LRP1B: variants seen among roughly 807,000 people sequenced by gnomAD.
The protein encoded by LRP1B is low-density lipoprotein receptor-related protein 1B.
Under a neutral mutation model 556.6 loss-of-function variants are expected in LRP1B, and 217 were observed. The ratio of observed to expected loss-of-function variants is 0.39; its 90% CI spans 0.35 to 0.44. The LOEUF (loss-of-function observed/expected upper bound fraction) is 0.44. LRP1B is among the 20% of genes least tolerant of loss of function. The probability of loss-of-function intolerance (pLI) is 1.00; values close to 1 mark genes in which losing one functional copy is unlikely to be tolerated. For missense variants in LRP1B, 5,053 were observed against 5,620.8 expected, an observed-to-expected ratio of 0.90 and a Z score of 3.23; for synonymous variants, 2,047 against 1,865.8, an observed-to-expected ratio of 1.10 and a Z score of -2.50.
intron 7 of LRP1B, among the ~76,000 whole-genome samples, chr2:141,161,046 A>T (rs892626212): frequency 2.6e-5 from 4 of 152,148 alleles, no homozygotes; most frequent in Non-Finnish European, 4.4e-5. Context: ...TTAATTTTGC[A>T]ACTTTTGAGA....
rs528678297 is a variant in LRP1B, at chr2:141,266,563, A to T, written c.344-11922T>A. On this transcript the variant is annotated intron_variant, in intron 3 of 90. Transcript: ENST00000389484. ...TCTGAGAGTGTACCACATCAATGCTAAGAGAATTTCTCATTTTGTGTTATG... is the reference window on the plus strand; with the variant it reads ...TCTGAGAGTGTACCACATCAATGCTTAGAGAATTTCTCATTTTGTGTTATG... 4.2e-4 allele frequency among the ~76,000 whole-genome samples: 64 copies of T among 152,272 alleles called. 2 individuals are homozygous for T. Among genetic ancestry groups the T allele is most frequent in the Middle Eastern group, 3.4e-3 (1 of 294 alleles).
chr2:140,657,588 T>TATATAC (rs1259265054), intron 41 of LRP1B, among the ~76,000 whole-genome samples: 1 of 146,774 alleles, frequency 6.8e-6, no homozygotes, highest in East Asian at 1.9e-4. Context: ...TATATATACA[T>TATATAC]ACATACATAT....
chr2:140,787,001 T>A (rs1223219707), intron 32 of LRP1B, among the ~76,000 whole-genome samples: 1 of 152,190 alleles, frequency 6.6e-6, no homozygotes, highest in African/African-American at 2.4e-5. Context: ...AAAACTGATG[T>A]TACCTACAAT....
intron 35 of LRP1B, among the ~76,000 whole-genome samples, chr2:140,763,180 T>G (rs2104920028): frequency 6.6e-6 from 1 of 152,232 alleles, no homozygotes; most frequent in Non-Finnish European, 1.5e-5. Context: ...TGCTCAAACA[T>G]ATATAATTTA....
At chr2:140,810,736 G>T (rs1049406333) in intron 32 of LRP1B, among the ~76,000 whole-genome samples, 5 of 152,028 alleles carry the variant, frequency 3.3e-5, no homozygotes, top group Non-Finnish European at 7.4e-5. Flanking sequence ...GCATTACGAG[G>T]TTTTTTGTTG....
At chr2:140,657,158 C>T (rs1318067437) in intron 41 of LRP1B, among the ~76,000 whole-genome samples, 1 of 151,816 alleles carries the variant, frequency 6.6e-6, no homozygotes, top group Admixed American at 6.6e-5. Flanking sequence ...ACATACACAT[C>T]CCTTTTGGTA....
At chr2:141,816,939 TC>T (rs1229824444) in intron 1 of LRP1B, among the ~76,000 whole-genome samples, 6 of 152,150 alleles carry the variant, frequency 3.9e-5, no homozygotes, top group Non-Finnish European at 8.8e-5. Context: ...CTAGGAAATC[TC>T]AGTTAAAAAT....
At chr2:141,941,626 T>C (rs1700805435) in intron 1 of LRP1B, among the ~76,000 whole-genome samples, 1 of 152,144 alleles carries the variant, frequency 6.6e-6, no homozygotes, top group Non-Finnish European at 1.5e-5. Context: ...GGAGGTTGAA[T>C]GTGGCCAGAG....
rs144902634 is a variant in LRP1B at position 140,604,955 on chromosome 2, C to T, written c.6800-3316G>A. ...TTCACTCTCCACCATGATCGTGAGG[C>T]CTCCCCAGTCATGTGGAACTGTGAG... On this transcript the variant is annotated intron_variant, in intron 41 of 90. Coordinates refer to ENST00000389484, the MANE Select transcript of LRP1B (RefSeq NM_018557.3). Among the ~76,000 whole-genome samples, 10 of 152,230 alleles carry T rather than the reference C, an allele frequency of 6.6e-5. No individual in the cohort carries two copies. In the East Asian group the frequency reaches 1.5e-3, roughly 24 times the overall value.
chr2:140,967,603 T>A (rs986684629), intron 18 of LRP1B, among the ~76,000 whole-genome samples: 1 of 151,880 alleles, frequency 6.6e-6, no homozygotes, highest in Non-Finnish European at 1.5e-5. Flanking sequence ...AGAGAGGGCA[T>A]CCCTGTCTTG....
At chr2:140,686,666 A>G (rs1282948642) in intron 41 of LRP1B, among the ~76,000 whole-genome samples, 1 of 152,020 alleles carries the variant, frequency 6.6e-6, no homozygotes, top group Non-Finnish European at 1.5e-5. Flanking sequence ...TGTTTCATAA[A>G]TGGACACTGG....
intron 7 of LRP1B, among the ~76,000 whole-genome samples, chr2:141,145,917 TCTTTC>T (rs1701772255): frequency 4.0e-5 from 5 of 123,706 alleles, no homozygotes; most frequent in East Asian, 2.5e-4. Context: ...TTTCTTTCTT[TCTTTC>T]TTTTTTTTTT....
intron 1 of LRP1B, among the ~76,000 whole-genome samples, chr2:142,118,424 C>T (rs1019314824): frequency 2.6e-5 from 4 of 152,170 alleles, no homozygotes; most frequent in Admixed American, 2.0e-4. Context: ...TATCTGAATA[C>T]GCTTTGGTTA....
chr2:142,093,590 G>A (rs1706252634), intron 1 of LRP1B, among the ~76,000 whole-genome samples: 1 of 152,136 alleles, frequency 6.6e-6, no homozygotes, highest in South Asian at 2.1e-4. Context: ...AACCAGAAAG[G>A]CAAGGCAGTG....
At chr2:141,107,286 C>G (rs1021579120) in intron 7 of LRP1B, among the ~76,000 whole-genome samples, 7 of 151,916 alleles carry the variant, frequency 4.6e-5, no homozygotes, top group African/African-American at 1.7e-4. Flanking sequence ...GATTTATGCA[C>G]TATATAATTT....
chr2:140,691,219 A>G (rs1295152184), intron 41 of LRP1B, among the ~76,000 whole-genome samples: 1 of 152,108 alleles, frequency 6.6e-6, no homozygotes, highest in African/African-American at 2.4e-5. Context: ...CGCCTGTAAT[A>G]CTAGCACTTT....
intron 3 of LRP1B, among the ~76,000 whole-genome samples, chr2:141,361,264 T>G (rs546889723): frequency 2.0e-5 from 3 of 152,306 alleles, no homozygotes; most frequent in Middle Eastern, 3.4e-3. Context: ...CTTCCCATAT[T>G]CATGAATCTT....
chr2:141,792,630 C>T (rs1443612214), intron 2 of LRP1B, among the ~76,000 whole-genome samples: 1 of 151,880 alleles, frequency 6.6e-6, no homozygotes, highest in African/African-American at 2.4e-5. Context: ...AGACTATGCC[C>T]TAAAAGATAA....
chr2:140,328,741 T>G (rs1159324282), intron 79 of LRP1B, among the ~76,000 whole-genome samples: 1 of 152,156 alleles, frequency 6.6e-6, no homozygotes, highest in African/African-American at 2.4e-5. Context: ...TTTAAAAAAT[T>G]GTTAGAGTTT....
Sources: gnomAD v4.1 joint callset for allele counts (sites outside exome capture counted in the v4.1 genomes callset) on GRCh38, gnomAD v4.1.1 for gene constraint, MANE v1.5 for transcripts, NCBI Gene and HGNC (gene_info 2026-07-23, HGNC 2026-07-21) for gene names.